FER: variants seen among roughly 807,000 people sequenced by gnomAD.
FER encodes FER tyrosine kinase.
A neutral mutation model predicts 111.0 loss-of-function variants in FER; 63 were observed. That is an observed-to-expected ratio of 0.57 (90% confidence interval 0.46 to 0.70). The LOEUF is 0.70. FER is among the 30% of genes least tolerant of loss of function. The probability of loss-of-function intolerance (pLI) is 0.00; values close to 1 mark genes in which losing one functional copy is unlikely to be tolerated. For synonymous variants in FER, 327 were observed against 313.9 expected (o/e 1.04, Z -0.44); for missense variants, 914 against 954.0 (o/e 0.96, Z 0.55).
chr5:109,123,568 A>G (rs1178354591), intron 17 of FER, among the ~76,000 whole-genome samples: 1 of 152,004 alleles, frequency 6.6e-6, no homozygotes, highest in African/African-American at 2.4e-5. Flanking sequence ...ATTTGAGGTT[A>G]TGAGGCTTCC....
intron 17 of FER, among the ~76,000 whole-genome samples, chr5:109,108,108 A>G (rs542459834): frequency 3.3e-4 from 51 of 152,286 alleles, no homozygotes; most frequent in African/African-American, 1.0e-3. Context: ...AAAGATGGCT[A>G]TCGTACACTC....
rs546557102 is a variant in FER at position 109,015,544 on chromosome 5, G to T, written c.1657-21878G>T. On this transcript the variant is annotated intron_variant, in intron 13 of 19. Coordinates refer to ENST00000281092, the MANE Select transcript of FER (RefSeq NM_005246.4). The stretch of plus-strand genomic sequence containing the variant: ...GAGACATAGCCTTTTCCCTCAAAGA[G>T]CTTCTATCTGCCAGTGGAGACTGAC... 2.0e-5 allele frequency among the ~76,000 whole-genome samples: 3 copies of T among 151,814 alleles called. No homozygotes were observed. In the East Asian group the frequency reaches 5.8e-4, roughly 29 times the overall value.
chr5:108,834,049 A>T (rs1159414006), intron 4 of FER, among the ~76,000 whole-genome samples: 1 of 152,132 alleles, frequency 6.6e-6, no homozygotes, highest in African/African-American at 2.4e-5. Flanking sequence ...TGATACTTTT[A>T]AAAAATATGT....
intron 2 of FER, among the ~76,000 whole-genome samples, chr5:108,794,374 C>T (rs113837779): frequency 0.23 from 34,840 of 151,700 alleles, 4,175 homozygotes; most frequent in African/African-American, 0.29. Flanking sequence ...CCCGCCTCCA[C>T]GCCCAGCTAA....
Position 109,040,979 on chromosome 5 carries a change from A to G in FER, c.1713+3501A>G, listed in dbSNP as rs926155447. Among the ~76,000 whole-genome samples the G allele has an allele frequency of 3.3e-5, 5 of 152,286 alleles. No individual in the cohort carries two copies. In the East Asian group the frequency reaches 7.7e-4, roughly 24 times the overall value. On this transcript the variant is annotated intron_variant, in intron 14 of 19. Transcript: ENST00000281092. The stretch of plus-strand genomic sequence containing the variant: ...CCAGAGTTCTCTTTATATTGCTTCA[A>G]TTCTTGAAATGAAGTAGGAAACAAA...
intron 1 of FER, among the ~76,000 whole-genome samples, chr5:108,749,268 C>T (rs561443228): frequency 2.0e-5 from 3 of 152,304 alleles, no homozygotes; most frequent in African/African-American, 7.2e-5. Context: ...GGCCGGGCTA[C>T]ACACCCAGCC....
chr5:108,869,161 A>AT (rs2150240099), intron 6 of FER, among the ~76,000 whole-genome samples: 1 of 152,292 alleles, frequency 6.6e-6, no homozygotes, highest in South Asian at 2.1e-4. Flanking sequence ...AAAACATTTC[A>AT]TTTATAGACT....
At position 109,086,193 on chromosome 5, in the gene FER, C is replaced by A. The variant is rs1777543798; in HGVS notation, c.1925-14203C>A. On this transcript the variant is annotated intron_variant, in intron 16 of 19. Coordinates refer to ENST00000281092, the MANE Select transcript of FER (RefSeq NM_005246.4). Reference sequence around the variant, plus strand: ...TTCTTTATAGGAAGTGTTTTAGCTACAAATTTAGTGTTCTTCACAATATGG... The same window carrying A: ...TTCTTTATAGGAAGTGTTTTAGCTAAAAATTTAGTGTTCTTCACAATATGG... 3.3e-5 allele frequency among the ~76,000 whole-genome samples: 5 copies of A among 151,824 alleles called. No homozygotes were observed. The South Asian group carries it at 1.0e-3, about 31-fold the overall frequency.
At chr5:109,158,967 AAG>A (rs1755702903) in intron 17 of FER, among the ~76,000 whole-genome samples, 1 of 152,180 alleles carries the variant, frequency 6.6e-6, no homozygotes, top group Admixed American at 6.5e-5. Flanking sequence ...AGTCATTAAA[AAG>A]AATTTTATGG....
chr5:109,079,255 C>A (rs1247826213), intron 16 of FER, among the ~76,000 whole-genome samples: 1 of 151,982 alleles, frequency 6.6e-6, no homozygotes, highest in Admixed American at 6.6e-5. Flanking sequence ...ACCACTGCTC[C>A]ACCTGGGGCA....
chr5:108,929,139 G>T (rs187828374), intron 10 of FER, among the ~76,000 whole-genome samples: 1 of 152,054 alleles, frequency 6.6e-6, no homozygotes, highest in Non-Finnish European at 1.5e-5. Flanking sequence ...CAATCACAGC[G>T]GGTAAGATGT....
intron 16 of FER, among the ~76,000 whole-genome samples, chr5:109,059,443 G>A (rs929840679): frequency 5.9e-5 from 9 of 152,034 alleles, no homozygotes; most frequent in East Asian, 3.9e-4. Context: ...CAGGAGAATC[G>A]CTTGAACCCG....
intron 3 of FER, among the ~76,000 whole-genome samples, chr5:108,821,895 G>A (rs1362816847): frequency 6.6e-6 from 1 of 152,024 alleles, no homozygotes; most frequent in East Asian, 1.9e-4. Flanking sequence ...CAAATTCAAA[G>A]TGTATAATAA....
At chr5:108,763,000 G>A (rs981931374) in intron 1 of FER, among the ~76,000 whole-genome samples, 2 of 152,032 alleles carry the variant, frequency 1.3e-5, no homozygotes, top group African/African-American at 2.4e-5. Flanking sequence ...CTAACACTGT[G>A]TATTTTACTT....
chr5:108,913,572 C>G (rs540613927), intron 10 of FER, among the ~76,000 whole-genome samples: 7 of 152,254 alleles, frequency 4.6e-5, no homozygotes, highest in African/African-American at 1.7e-4. Flanking sequence ...TAGCCACAAC[C>G]ACTACTTTGG....
intron 15 of FER, 76 bp downstream of exon 15, chr5:109,044,871 T>A: frequency 2.6e-6 from 2 of 781,722 alleles, no homozygotes; most frequent in Non-Finnish European, 3.8e-6. Context: ...GAAGACATCT[T>A]AAATTGTGAT....
chr5:109,077,502 G>T (rs191960205), intron 16 of FER, among the ~76,000 whole-genome samples: 1 of 152,156 alleles, frequency 6.6e-6, no homozygotes, highest in Admixed American at 6.5e-5. Context: ...TGAAGACTAT[G>T]GAATTTAGCT....
chr5:109,102,103 C>T (rs896255760), intron 17 of FER, among the ~76,000 whole-genome samples: 25 of 151,934 alleles, frequency 1.6e-4, no homozygotes, highest in Admixed American at 3.9e-4. Flanking sequence ...GTATAAATGC[C>T]TATGTCATGA....
At chr5:109,037,512 C>G (rs751568317) in intron 14 of FER, 34 bp downstream of exon 14, 3 of 1,569,052 alleles carry the variant, frequency 1.9e-6, no homozygotes, top group African/African-American at 2.7e-5. Flanking sequence ...AACCAGAAGT[C>G]TCTATATTGA....
Sources: gnomAD v4.1 joint callset for allele counts (sites outside exome capture counted in the v4.1 genomes callset) on GRCh38, gnomAD v4.1.1 for gene constraint, MANE v1.5 for transcripts, NCBI Gene and HGNC (gene_info 2026-07-23, HGNC 2026-07-21) for gene names.